PTPRD: variants seen among roughly 807,000 people sequenced by gnomAD.
The protein encoded by PTPRD is protein tyrosine phosphatase receptor type D.
A neutral mutation model predicts 214.5 loss-of-function variants in PTPRD; 34 were observed. The ratio of observed to expected loss-of-function variants is 0.16; its 90% CI spans 0.12 to 0.21. The LOEUF (loss-of-function observed/expected upper bound fraction) is 0.21. PTPRD is among the 10% of genes least tolerant of loss of function. PTPRD has a pLI of 1.00. For missense variants in PTPRD, 2,545 were observed against 2,398.7 expected (o/e 1.06, Z -1.27); for synonymous variants, 1,128 against 845.7 (o/e 1.33, Z -5.79).
intron 30 of PTPRD, among the ~76,000 whole-genome samples, chr9:8,473,493 T>C (rs932676206): frequency 2.0e-5 from 3 of 152,152 alleles, no homozygotes; most frequent in African/African-American, 7.2e-5. Flanking sequence ...TAAACACACT[T>C]GTCAAGGAAC....
At chr9:9,491,514 AT>A (rs34987509) in intron 8 of PTPRD, among the ~76,000 whole-genome samples, 12,181 of 152,034 alleles carry the variant, frequency 0.08, 607 homozygotes, top group South Asian at 0.14. Context: ...CATATGAGAC[AT>A]TTTTAAGGAC....
intron 9 of PTPRD, among the ~76,000 whole-genome samples, chr9:9,287,334 G>C (rs553927668): frequency 6.6e-6 from 1 of 151,608 alleles, no homozygotes; most frequent in Non-Finnish European, 1.5e-5. Context: ...CTATTTCATC[G>C]TCACCTTTTT....
chr9:9,106,104 A>C (rs1172908987), intron 10 of PTPRD, among the ~76,000 whole-genome samples: 1 of 152,158 alleles, frequency 6.6e-6, no homozygotes, highest in Non-Finnish European at 1.5e-5. Context: ...CAACATAGCA[A>C]GAGCTTCGTA....
At chr9:8,816,563 C>A (rs2096923233) in intron 11 of PTPRD, among the ~76,000 whole-genome samples, 1 of 152,146 alleles carries the variant, frequency 6.6e-6, no homozygotes, top group Admixed American at 6.6e-5. Context: ...CCATGGCAAC[C>A]AAACCAATCA....
intron 9 of PTPRD, among the ~76,000 whole-genome samples, chr9:9,202,179 A>G (rs1430711110): frequency 6.6e-6 from 1 of 152,206 alleles, no homozygotes; most frequent in Admixed American, 6.5e-5. Context: ...ACAGTTTGTC[A>G]GCAGTAGTAA....
At chr9:10,015,790 T>A (rs2096697307) in intron 4 of PTPRD, among the ~76,000 whole-genome samples, 1 of 152,206 alleles carries the variant, frequency 6.6e-6, no homozygotes, top group Admixed American at 6.5e-5. Flanking sequence ...AAGAAATTTA[T>A]TTCTCCTCTG....
At chr9:10,283,679 G>A (rs1425496635) in intron 3 of PTPRD, among the ~76,000 whole-genome samples, 3 of 152,062 alleles carry the variant, frequency 2.0e-5, no homozygotes, top group Non-Finnish European at 4.4e-5. Context: ...CTGTCTCTTT[G>A]GTATCAAAAT....
intron 10 of PTPRD, among the ~76,000 whole-genome samples, chr9:9,063,876 C>T (rs925893051): frequency 1.3e-5 from 2 of 152,092 alleles, no homozygotes; most frequent in South Asian, 2.1e-4. Flanking sequence ...ACATAGCTTA[C>T]GTATGATAAT....
chr9:9,293,904 G>GTT (rs34305495), intron 9 of PTPRD, among the ~76,000 whole-genome samples: 1 of 151,210 alleles, frequency 6.6e-6, no homozygotes, highest in South Asian at 2.1e-4. Context: ...TCAGCATTCA[G>GTT]TTTTTTTTAA....
At chr9:10,504,071 G>A (rs1382949639) in intron 2 of PTPRD, among the ~76,000 whole-genome samples, 2 of 121,248 alleles carry the variant, frequency 1.6e-5, no homozygotes, top group Admixed American at 1.2e-4. Context: ...AGCCGAGATC[G>A]CGCCACTGCA....
intron 5 of PTPRD, among the ~76,000 whole-genome samples, chr9:9,835,238 T>G (rs1300377328): frequency 6.6e-6 from 1 of 152,106 alleles, no homozygotes; most frequent in Non-Finnish European, 1.5e-5. Context: ...GATAATACAT[T>G]CCAAAATGAA....
intron 11 of PTPRD, among the ~76,000 whole-genome samples, chr9:8,736,715 T>A (rs62528799): frequency 6.6e-5 from 10 of 151,758 alleles, no homozygotes; most frequent in Admixed American, 2.6e-4. Context: ...TTTTTTTTTT[T>A]AAACAGTGGG....
intron 35 of PTPRD, among the ~76,000 whole-genome samples, chr9:8,422,731 A>C (rs754779539): frequency 5.3e-5 from 8 of 152,218 alleles, no homozygotes; most frequent in Non-Finnish European, 1.0e-4. Context: ...AGGAATAGAA[A>C]AAGAACAAAA....
intron 3 of PTPRD, among the ~76,000 whole-genome samples, chr9:10,194,335 TATATATATATAGAGAGAGAGAGAG>T (rs1297873959): frequency 7.9e-3 from 521 of 66,220 alleles, no homozygotes; most frequent in South Asian, 0.017. Flanking sequence ...TATATATATA[TATATATATATAGAGAGAGAGAGAG>T]AGAGAGAGAG....
At chr9:9,313,367 A>G (rs1960296128) in intron 9 of PTPRD, among the ~76,000 whole-genome samples, 1 of 152,172 alleles carries the variant, frequency 6.6e-6, no homozygotes, top group African/African-American at 2.4e-5. Flanking sequence ...TTGTGGTACA[A>G]TTGTACCTGA....
At chr9:8,749,389 C>G (rs1375136078) in intron 11 of PTPRD, among the ~76,000 whole-genome samples, 1 of 152,128 alleles carries the variant, frequency 6.6e-6, no homozygotes, top group African/African-American at 2.4e-5. Context: ...GGTTTCACCA[C>G]ATTGGCCAGG....
At chr9:9,089,953 T>TTA (rs1288767749) in intron 10 of PTPRD, among the ~76,000 whole-genome samples, 1 of 152,194 alleles carries the variant, frequency 6.6e-6, no homozygotes, top group Non-Finnish European at 1.5e-5. Context: ...ATACATAATG[T>TTA]TTGTCCATAT....
At chr9:9,289,108 AAC>A (rs1174186350) in intron 9 of PTPRD, among the ~76,000 whole-genome samples, 1 of 151,842 alleles carries the variant, frequency 6.6e-6, no homozygotes, top group Non-Finnish European at 1.5e-5. Flanking sequence ...TTTACTGAAA[AAC>A]ACATGGGCTA....
At position 10,065,141 on chromosome 9, in the gene PTPRD, T is replaced by TAGAAAGCAAGAAAGAA. The variant is rs1555537783; in HGVS notation, c.-544-31352_-544-31351insTTCTTTCTTGCTTTCT. ...CCTAATACTTTGTTGTGACTTGGATTAGAAAGAAAGAAAGAAAGAAAGAAA... is the reference window on the plus strand; with the variant it reads ...CCTAATACTTTGTTGTGACTTGGATTAGAAAGCAAGAAAGAAAGAAAGAAAGAAAGAAAGAAAGAAA... On this transcript the variant is annotated intron_variant, in intron 3 of 45. Coordinates refer to ENST00000381196, the MANE Select transcript of PTPRD (RefSeq NM_002839.4). Among the ~76,000 whole-genome samples the TAGAAAGCAAGAAAGAA allele has an allele frequency of 7.5e-5, 8 of 106,844 alleles. No individual in the cohort carries two copies. In the East Asian group the frequency reaches 1.7e-3, roughly 22 times the overall value. 70.1% of individuals were successfully genotyped at this position (106,844 alleles called of 152,430 possible).
Sources: allele counts gnomAD v4.1 joint callset (sites outside exome capture counted in the v4.1 genomes callset), GRCh38; gene constraint gnomAD v4.1.1; transcripts MANE v1.5; gene names NCBI Gene and HGNC (gene_info 2026-07-23, HGNC 2026-07-21).